The following CDK14 variants were observed in gnomAD, a reference collection of about 807,000 sequenced individuals.
CDK14 encodes cyclin dependent kinase 14.
CDK14 carries 34 observed loss-of-function variants against 60.7 expected under a neutral mutation model. That is an observed-to-expected ratio of 0.56 (90% confidence interval 0.43 to 0.75). CDK14 has a LOEUF of 0.75. Ranked by LOEUF, CDK14 falls within the 30% of genes least tolerant of loss-of-function variation. The probability of loss-of-function intolerance (pLI) is 0.00; values close to 1 mark genes in which losing one functional copy is unlikely to be tolerated. For missense variants in CDK14, 482 were observed against 564.1 expected (o/e 0.85, Z 1.47); for synonymous variants, 197 against 203.7 (o/e 0.97, Z 0.28).
chr7:91,147,162 T>TCACA (rs71107808), intron 14 of CDK14, among the ~76,000 whole-genome samples: 108 of 124,744 alleles, frequency 8.7e-4, no homozygotes, highest in African/African-American at 3.4e-3. Context: ...TCTCTCTCTC[T>TCACA]CACACACACA....
chr7:91,049,041 C>T (rs944292969), intron 11 of CDK14, among the ~76,000 whole-genome samples: 1 of 89,162 alleles, frequency 1.1e-5, no homozygotes, highest in Non-Finnish European at 2.1e-5. Context: ...CTATGTCTGG[C>T]TATTTTTTTT....
chr7:90,858,216 GA>G (rs879298620), intron 5 of CDK14, among the ~76,000 whole-genome samples: 3 of 152,088 alleles, frequency 2.0e-5, no homozygotes, highest in African/African-American at 7.2e-5. Context: ...TCACTTTCAA[GA>G]AAAAACATTT....
In CDK14 at chr7:91,146,502, T is replaced by G. The variant is rs1002282467; in HGVS notation, c.*28+28294T>G. On this transcript the variant is annotated intron_variant, in intron 14 of 14. Coordinates refer to ENST00000380050, the MANE Select transcript of CDK14 (RefSeq NM_001287135.2). ...AGGCGTGAGCCACCGTGCCCAGCGC[T>G]GAGGTTCTAATTGGTAGTCGTGCCA... Among the ~76,000 whole-genome samples, 8 of 152,148 alleles carry G rather than the reference T, an allele frequency of 5.3e-5. No individual in the cohort carries two copies. The South Asian group carries it at 1.7e-3, about 32-fold the overall frequency.
chr7:90,730,472 A>G (rs1478317328), intron 3 of CDK14, among the ~76,000 whole-genome samples: 1 of 152,190 alleles, frequency 6.6e-6, no homozygotes, highest in African/African-American at 2.4e-5. Context: ...ACTCCCACCA[A>G]TAGTGTAAAA....
At chr7:90,961,585 T>G (rs1401633076) in intron 9 of CDK14, among the ~76,000 whole-genome samples, 1 of 152,238 alleles carries the variant, frequency 6.6e-6, no homozygotes, top group East Asian at 1.9e-4. Context: ...TATTTCTAAT[T>G]AATCAGGTCA....
intron 5 of CDK14, among the ~76,000 whole-genome samples, chr7:90,804,330 A>G (rs1788747796): frequency 6.6e-6 from 1 of 152,230 alleles, no homozygotes; most frequent in Non-Finnish European, 1.5e-5. Context: ...CCTGGAAAAA[A>G]GATCTATAAT....
At chr7:90,672,982 G>A (rs1801127896) in intron 2 of CDK14, among the ~76,000 whole-genome samples, 1 of 151,950 alleles carries the variant, frequency 6.6e-6, no homozygotes, top group Non-Finnish European at 1.5e-5. Context: ...ATTTTAGGTT[G>A]CCATAATTTA....
At chr7:90,810,822 A>G (rs1239593484) in intron 5 of CDK14, among the ~76,000 whole-genome samples, 2 of 151,796 alleles carry the variant, frequency 1.3e-5, no homozygotes, top group Non-Finnish European at 2.9e-5. Context: ...TACATCAGTA[A>G]CAGACAAACA....
chr7:90,769,384 G>A (rs1487990277), intron 4 of CDK14, among the ~76,000 whole-genome samples: 1 of 151,852 alleles, frequency 6.6e-6, no homozygotes, highest in East Asian at 1.9e-4. Context: ...ATATCAGAAT[G>A]CTTTTTATTA....
At chr7:90,897,592 CTCGT>C (rs1480382495) in intron 6 of CDK14, among the ~76,000 whole-genome samples, 1 of 151,952 alleles carries the variant, frequency 6.6e-6, no homozygotes, top group Non-Finnish European at 1.5e-5. Flanking sequence ...CAAATGTTCT[CTCGT>C]TCTTTATTTG....
intron 2 of CDK14, among the ~76,000 whole-genome samples, chr7:90,656,884 AC>A (rs1800762496): frequency 6.6e-6 from 1 of 152,218 alleles, no homozygotes; most frequent in African/African-American, 2.4e-5. Context: ...GGCACAACTA[AC>A]AATAGTGGAA....
At chr7:91,033,052 C>A (rs1048121993) in intron 10 of CDK14, among the ~76,000 whole-genome samples, 1 of 152,138 alleles carries the variant, frequency 6.6e-6, no homozygotes, top group Non-Finnish European at 1.5e-5. Flanking sequence ...TTTGGGCATG[C>A]CTATGTATCA....
intron 14 of CDK14, among the ~76,000 whole-genome samples, chr7:91,122,955 C>G (rs1799826893): frequency 6.6e-6 from 1 of 152,116 alleles, no homozygotes; most frequent in African/African-American, 2.4e-5. Context: ...TTTAAGGAAG[C>G]ATTTGGAAGA....
At chr7:90,615,052 A>G (rs1238711625) in intron 2 of CDK14, among the ~76,000 whole-genome samples, 2 of 152,208 alleles carry the variant, frequency 1.3e-5, no homozygotes, top group African/African-American at 4.8e-5. Flanking sequence ...TGAAATTAAT[A>G]GTTTTCCTGT....
At chr7:90,968,330 G>T (rs552562141) in intron 9 of CDK14, among the ~76,000 whole-genome samples, 1 of 152,094 alleles carries the variant, frequency 6.6e-6, no homozygotes. Context: ...CAACTAAAAC[G>T]ACCTATCAGT....
At chr7:91,006,960 G>GT (rs1234873986) in intron 10 of CDK14, among the ~76,000 whole-genome samples, 5 of 152,178 alleles carry the variant, frequency 3.3e-5, no homozygotes, top group Non-Finnish European at 7.4e-5. Context: ...TTTTGTTTTT[G>GT]TTTTTGTTTT....
At chr7:91,158,819 G>A (rs974734073) in intron 14 of CDK14, among the ~76,000 whole-genome samples, 1 of 152,182 alleles carries the variant, frequency 6.6e-6, no homozygotes, top group Non-Finnish European at 1.5e-5. Flanking sequence ...CAGGTGACAT[G>A]TAATGCCCTG....
intron 2 of CDK14, among the ~76,000 whole-genome samples, chr7:90,678,700 A>G (rs1801252543): frequency 6.6e-6 from 1 of 152,152 alleles, no homozygotes; most frequent in African/African-American, 2.4e-5. Context: ...AGCAGAGTGT[A>G]GGGTAATCAC....
At chr7:90,968,385 C>T (rs964696231) in intron 9 of CDK14, among the ~76,000 whole-genome samples, 2 of 152,170 alleles carry the variant, frequency 1.3e-5, no homozygotes, top group Non-Finnish European at 2.9e-5. Context: ...TAAAACAAAA[C>T]GTATTCATAG....
Sources: gnomAD v4.1 joint callset for allele counts (sites outside exome capture counted in the v4.1 genomes callset) on GRCh38, gnomAD v4.1.1 for gene constraint, MANE v1.5 for transcripts, NCBI Gene and HGNC (gene_info 2026-07-23, HGNC 2026-07-21) for gene names.